TMEM269: variants seen among roughly 807,000 people sequenced by gnomAD.
TMEM269 encodes the protein transmembrane protein 269.
A neutral mutation model predicts 15.8 loss-of-function variants in TMEM269; 12 were observed. The ratio of observed to expected loss-of-function variants is 0.76; its 90% CI spans 0.49 to 1.23. TMEM269 has a LOEUF of 1.23. TMEM269 is among the 50% of genes most tolerant of loss of function. TMEM269 has a pLI of 0.00. For missense variants in TMEM269, 211 were observed against 245.4 expected (o/e 0.86, Z 0.94); for synonymous variants, 93 against 99.3 (o/e 0.94, Z 0.38).
intron 2 of TMEM269, 63 bp downstream of exon 2, chr1:42,789,997 A>G (rs912013569): frequency 7.8e-7 from 1 of 1,287,824 alleles, no homozygotes; most frequent in African/African-American, 1.5e-5. Flanking sequence ...CGGGAAGGAG[A>G]GGGAGAGTTT....
chr1:42,794,481 C>G lies in TMEM269; in HGVS notation c.352C>G (p.Leu118Val). The G allele has an allele frequency of 6.4e-7, 1 of 1,550,702 alleles. No individual in the cohort carries two copies. Among genetic ancestry groups the G allele is most frequent in the Non-Finnish European group, 8.7e-7 (1 of 1,147,006 alleles). Residue 118 changes from leucine to valine, a missense_variant, in exon 5 of 6, where the codon CTG (leucine) becomes GTG (valine). By Grantham distance (32) the Leu-to-Val change is conservative. Transcript: ENST00000637012. ...CTGCATCTTGGCTTCCACCTCCCTT[C>G]TGACCAAAGGCAACAGGTTCATCCT... ...ASCILASTSL[L>V]TKGNRFILCC...
At position 42,797,973 on chromosome 1, in the gene TMEM269, G is replaced by C. The variant is rs1653816378; in HGVS notation, c.485-125G>C. 9.2e-7 allele frequency: 1 copy of C among 1,092,134 alleles called. No individual in the cohort carries two copies. Among genetic ancestry groups the C allele is most frequent in the Non-Finnish European group, 1.4e-6 (1 of 734,750 alleles). The allele number at this position is 1,092,134 out of a possible 1,614,324, so 67.7% of individuals were successfully genotyped here. A position where few individuals can be genotyped will look rare whatever the true frequency, so the allele number is the denominator to read the frequency against. On this transcript the variant is annotated intron_variant, in intron 5 of 5. Coordinates refer to ENST00000637012, the MANE Select transcript of TMEM269 (RefSeq NM_001354602.2). This position sits in a 1 kb window ranked among gnomAD's most constrained non-coding sequence, Gnocchi z 4.9. ...GAAGACAGGGCTCCTGTCTCTTTCT[G>C]TTTGTTTCTTAGGCACTGTGGGTGA...
At position 42,793,616 on chromosome 1, in the gene TMEM269, A is replaced by C; in HGVS notation, c.155A>C (p.Asp52Ala). 6.5e-7 allele frequency: 1 copy of C among 1,549,772 alleles called. No homozygotes were observed. Among genetic ancestry groups the C allele is most frequent in the South Asian group, 1.2e-5 (1 of 84,000 alleles). ...TCTGGGGCAGGAGCCGAGCTGAATG[A>C]CTTTGCCGTCTTCACCACCTTCGGC... ...ICSKLGAELN[D>A]FAVFTTFGLA... The change falls in exon 4 of 6, where the codon GAC becomes GCC. Residue 52 changes from aspartate (D) to alanine (A), a missense_variant. Asp to Ala is a moderately radical substitution (Grantham distance 126). Transcript: ENST00000637012.
At chr1:42,796,196 C>T (rs1470555514) in intron 5 of TMEM269, among the ~76,000 whole-genome samples, 2 of 152,138 alleles carry the variant, frequency 1.3e-5, no homozygotes, top group East Asian at 3.8e-4. Context: ...CCTTCTCCTC[C>T]ACCTCCCCTT....
chr1:42,796,034 A>G (rs1305197093), intron 5 of TMEM269, among the ~76,000 whole-genome samples: 2 of 152,322 alleles, frequency 1.3e-5, no homozygotes, highest in Middle Eastern at 3.4e-3. Flanking sequence ...AGCACATATT[A>G]GTTGAACTTG....
Position 42,800,118 on chromosome 1 carries a change from C to G in TMEM269, c.*1893C>G, listed in dbSNP as rs1218722967. On this transcript the variant is annotated 3_prime_UTR_variant, in exon 6 of 6. Coordinates refer to ENST00000637012, the MANE Select transcript of TMEM269 (RefSeq NM_001354602.2). ...AGAAATATACAGACCCCCAGGAGGA[C>G]AGCTTTGAAAAGTAAAATGCCCATT... is the stretch of plus-strand genomic sequence containing the variant. 6.6e-6 allele frequency: 1 copy of G among 152,188 alleles called. No individual in the cohort carries two copies. Among genetic ancestry groups the G allele is most frequent in the Non-Finnish European group, 1.5e-5 (1 of 68,034 alleles). 9.4% of individuals were successfully genotyped at this position (152,188 alleles called of 1,614,324 possible). A position where few individuals can be genotyped will look rare whatever the true frequency, so the allele number is the denominator to read the frequency against.
At chr1:42,794,922 G>A (rs185738407) in intron 5 of TMEM269, among the ~76,000 whole-genome samples, 13 of 152,260 alleles carry the variant, frequency 8.5e-5, no homozygotes, top group East Asian at 5.8e-4. Context: ...AGCACCCACC[G>A]TGTGCCAGGT....
chr1:42,789,202 C>CA, intron 1 of TMEM269: 1 of 546,730 alleles, frequency 1.8e-6, no homozygotes, highest in Non-Finnish European at 3.3e-6. Context: ...GGATTACAGG[C>CA]ATGAGCCACC....
In TMEM269 at chr1:42,789,834, C is replaced by G; in HGVS notation, c.-60C>G. ...TTTCTTCCTGAGCCATGACCAGAGCCATTCCCAGATAAATGAGGTTTCCTG... is the reference window on the plus strand; with the variant it reads ...TTTCTTCCTGAGCCATGACCAGAGCGATTCCCAGATAAATGAGGTTTCCTG... On this transcript the variant is annotated 5_prime_UTR_variant, in exon 2 of 6. Transcript: ENST00000637012. 2.6e-6 allele frequency: 4 copies of G among 1,550,190 alleles called. No individual in the cohort carries two copies. Among genetic ancestry groups the G allele is most frequent in the Non-Finnish European group, 3.5e-6 (4 of 1,146,316 alleles).
At position 42,792,847 on chromosome 1, in the gene TMEM269, GT is replaced by G; in HGVS notation, c.86del (p.Leu29Ter). 6.4e-7 allele frequency: 1 copy of G among 1,550,570 alleles called. No individual in the cohort carries two copies. The highest frequency in any genetic ancestry group is 8.7e-7 in the Non-Finnish European group (1 of 1,147,008). ...CCCGGATGCTCCTGGTCAGCTTCCT[GT>G]TAGACATGGCAGTCAGGGCAATGAC... ...ASRMLLVSFL[L>X]DMAVRAMTSH... On this transcript the variant is annotated frameshift_variant, in exon 3 of 6. Coordinates refer to ENST00000637012, the MANE Select transcript of TMEM269 (RefSeq NM_001354602.2). LOFTEE classifies it high-confidence loss of function.
Position 42,794,628 on chromosome 1 carries a change from C to T in TMEM269, c.484+15C>T. 1 of 1,528,180 alleles carries T rather than the reference C, an allele frequency of 6.5e-7. No individual in the cohort carries two copies. Among genetic ancestry groups the T allele is most frequent in the East Asian group, 2.5e-5 (1 of 40,808 alleles). The allele number at this position is 1,528,180 out of a possible 1,614,324, so 94.7% of individuals were successfully genotyped here. A position where few individuals can be genotyped will look rare whatever the true frequency, so the allele number is the denominator to read the frequency against. ...TTATATAGGAGGTGAGTGAAAATGT[C>T]ACTATGGCCAGTTTGTTATCACAGT... On this transcript the variant is annotated intron_variant, in intron 5 of 5. Coordinates refer to ENST00000637012, the MANE Select transcript of TMEM269 (RefSeq NM_001354602.2).
In TMEM269 at chr1:42,785,074, A is replaced by T. The variant is rs1391248340; in HGVS notation, c.-107A>T. Reference sequence around the variant, plus strand: ...GTAGGAATGCCGTGTCCCCAGGGTGAGCCCTCAGGTGAGCCTCCGCGGCCG... The same window carrying T: ...GTAGGAATGCCGTGTCCCCAGGGTGTGCCCTCAGGTGAGCCTCCGCGGCCG... On this transcript the variant is annotated 5_prime_UTR_variant, in exon 1 of 6. Coordinates refer to ENST00000637012, the MANE Select transcript of TMEM269 (RefSeq NM_001354602.2). 2 of 152,390 alleles carry T rather than the reference A, an allele frequency of 1.3e-5. No homozygotes were observed. The highest frequency in any genetic ancestry group is 2.9e-5 in the Non-Finnish European group (2 of 68,194). 9.4% of individuals were successfully genotyped at this position (152,390 alleles called of 1,614,324 possible).
chr1:42,787,071 T>C (rs1653556557), intron 1 of TMEM269, among the ~76,000 whole-genome samples: 1 of 152,178 alleles, frequency 6.6e-6, no homozygotes, highest in Non-Finnish European at 1.5e-5. Context: ...ACTCATTTCC[T>C]TGGATAGGTT....
intron 2 of TMEM269, among the ~76,000 whole-genome samples, chr1:42,790,962 A>G (rs1169915701): frequency 6.6e-6 from 1 of 152,190 alleles, no homozygotes. Context: ...TGGGCCTCTC[A>G]GGGCAGGTTT....
chr1:42,793,610 T>A lies in TMEM269; in HGVS notation c.149T>A (p.Leu50Gln), dbSNP rs1396241573. The A allele has an allele frequency of 6.5e-7, 1 of 1,549,948 alleles. No homozygotes were observed. Among genetic ancestry groups the A allele is most frequent in the African/African-American group, 1.4e-5 (1 of 73,144 alleles). Reference protein sequence around the residue: ...INICSKLGAELNDFAVFTTFG... With the variant: ...INICSKLGAEQNDFAVFTTFG... ...GGGCCGTCTGGGGCAGGAGCCGAGC[T>A]GAATGACTTTGCCGTCTTCACCACC... Residue 50 changes from leucine to glutamine, a missense_variant, in exon 4 of 6, where the codon CTG (leucine) becomes CAG (glutamine). By Grantham distance (113) the Leu-to-Gln change is moderately radical. Transcript: ENST00000637012.
At chr1:42,787,393 G>T (rs2124209379) in intron 1 of TMEM269, among the ~76,000 whole-genome samples, 1 of 151,780 alleles carries the variant, frequency 6.6e-6, no homozygotes, top group Non-Finnish European at 1.5e-5. Context: ...GAGGTCAGGA[G>T]ATCGAGACCA....
intron 4 of TMEM269, 72 bp downstream of exon 4, chr1:42,793,816 A>C (rs1653746071): frequency 1.3e-6 from 2 of 1,483,926 alleles, no homozygotes; most frequent in African/African-American, 2.8e-5. Flanking sequence ...GGGTGCCAGA[A>C]GCCTGGGGTG....
chr1:42,797,963 G>A lies in TMEM269; in HGVS notation c.485-135G>A, dbSNP rs1653816274. ...AACTGAACTTGAAGACAGGGCTCCT[G>A]TCTCTTTCTGTTTGTTTCTTAGGCA... On this transcript the variant is annotated intron_variant, in intron 5 of 5. Transcript: ENST00000637012. This position sits in a 1 kb window ranked among gnomAD's most constrained non-coding sequence, Gnocchi z 4.9. 1.0e-6 allele frequency: 1 copy of A among 980,996 alleles called. No individual in the cohort carries two copies. The allele number at this position is 980,996 out of a possible 1,614,324, so 60.8% of individuals were successfully genotyped here.
chr1:42,796,267 C>A (rs1037958346), intron 5 of TMEM269, among the ~76,000 whole-genome samples: 1 of 152,124 alleles, frequency 6.6e-6, no homozygotes, highest in East Asian at 1.9e-4. Context: ...ACTACTGATC[C>A]CCCTCTTCTC....
Sources: allele counts gnomAD v4.1 joint callset (sites outside exome capture counted in the v4.1 genomes callset), GRCh38; gene constraint gnomAD v4.1.1; non-coding constraint Gnocchi (gnomAD v3.1); transcripts MANE v1.5; gene names NCBI Gene and HGNC (gene_info 2026-07-23, HGNC 2026-07-21).